Variants in BICC1 observed in about 807,000 individuals in gnomAD.
The protein encoded by BICC1 is BicC family RNA binding protein 1.
A neutral mutation model predicts 111.0 loss-of-function variants in BICC1; 43 were observed. The ratio of observed to expected loss-of-function variants is 0.39; its 90% CI spans 0.30 to 0.50. BICC1 has a LOEUF of 0.50. BICC1 is among the 20% of genes least tolerant of loss of function. The pLI, the probability that BICC1 is intolerant of heterozygous loss-of-function variation, is 0.88. For synonymous variants in BICC1, 467 were observed against 434.4 expected (o/e 1.07, Z -0.93); for missense variants, 1,091 against 1,203.2 (o/e 0.91, Z 1.38).
chr10:58,789,911 G>A lies in BICC1; in HGVS notation c.1025G>A (p.Cys342Tyr). The change falls in exon 8 of 21, where the codon TGT becomes TAT. Residue 342 changes from cysteine to tyrosine, a missense_variant. Transcript: ENST00000373886. Reference protein sequence around the residue: ...VYLQGTIESVCLARQYLMGCL... With the variant: ...VYLQGTIESVYLARQYLMGCL... The stretch of plus-strand genomic sequence containing the variant: ...CTCCAGGGCACCATTGAGTCTGTCT[G>A]TCTTGCAAGGCAATATCTCATGGTA... The A allele has an allele frequency of 1.2e-6, 2 of 1,614,120 alleles. No homozygotes were observed. Among genetic ancestry groups the A allele is most frequent in the Non-Finnish European group, 1.7e-6 (2 of 1,180,016 alleles).
intron 2 of BICC1, among the ~76,000 whole-genome samples, chr10:58,668,401 A>G (rs989345909): frequency 3.3e-5 from 5 of 152,014 alleles, no homozygotes; most frequent in African/African-American, 1.2e-4. Context: ...TTTTTTTTCC[A>G]GATGAATTCA....
At chr10:58,758,515 G>A (rs1240757252) in intron 3 of BICC1, among the ~76,000 whole-genome samples, 2 of 152,070 alleles carry the variant, frequency 1.3e-5, no homozygotes, top group Non-Finnish European at 2.9e-5. Flanking sequence ...TCCCTATAAG[G>A]TCTGTGACAA....
At chr10:58,633,452 T>G (rs1837858968) in intron 2 of BICC1, among the ~76,000 whole-genome samples, 2 of 152,224 alleles carry the variant, frequency 1.3e-5, no homozygotes, top group Non-Finnish European at 2.9e-5. Context: ...GGACAAATTA[T>G]TACTTTTTTC....
chr10:58,752,525 A>G (rs940127476), intron 3 of BICC1, among the ~76,000 whole-genome samples: 5 of 151,968 alleles, frequency 3.3e-5, no homozygotes, highest in African/African-American at 9.7e-5. Context: ...AGAAAGAACA[A>G]TTTTCTTTTA....
chr10:58,706,601 T>C (rs1426848913), intron 3 of BICC1, among the ~76,000 whole-genome samples: 1 of 152,196 alleles, frequency 6.6e-6, no homozygotes, highest in South Asian at 2.1e-4. Flanking sequence ...AGGAGAGATC[T>C]GGTGGGAGGT....
chr10:58,776,475 TG>T (rs1233777254), intron 3 of BICC1, among the ~76,000 whole-genome samples: 1 of 152,212 alleles, frequency 6.6e-6, no homozygotes, highest in East Asian at 1.9e-4. Flanking sequence ...TTGCATAACT[TG>T]CTGTTATCTC....
intron 3 of BICC1, among the ~76,000 whole-genome samples, chr10:58,714,523 G>C (rs2132496871): frequency 6.6e-6 from 1 of 152,222 alleles, no homozygotes; most frequent in Non-Finnish European, 1.5e-5. Flanking sequence ...TCAGTGCTGG[G>C]GGACAGACCT....
intron 2 of BICC1, among the ~76,000 whole-genome samples, chr10:58,700,957 A>G (rs955626447): frequency 1.3e-5 from 2 of 152,198 alleles, no homozygotes; most frequent in East Asian, 1.9e-4. Flanking sequence ...AATAGACAAA[A>G]TGCATCTGTG....
intron 10 of BICC1, among the ~76,000 whole-genome samples, chr10:58,797,888 T>C (rs72804426): frequency 0.013 from 2,006 of 152,276 alleles, 25 homozygotes; most frequent in African/African-American, 0.032. Context: ...AGGGAAGTCA[T>C]GTATATGTTT....
chr10:58,623,775 C>T (rs372091776), intron 2 of BICC1, among the ~76,000 whole-genome samples: 3 of 152,110 alleles, frequency 2.0e-5, no homozygotes, highest in East Asian at 3.9e-4. Context: ...AAGAGAGGCA[C>T]GCCATGGTTG....
chr10:58,684,401 G>A lies in BICC1; in HGVS notation c.238-17673G>A, dbSNP rs555438134. 8.5e-5 allele frequency among the ~76,000 whole-genome samples: 13 copies of A among 152,298 alleles called. No homozygotes were observed. In the East Asian group the frequency reaches 2.5e-3, roughly 29 times the overall value. Reference sequence around the variant, plus strand: ...GATGCTGGCCTCATAAAATGAGTTAGGGAGGATTCCCTCTTTTTCTTTTGA... The same window carrying A: ...GATGCTGGCCTCATAAAATGAGTTAAGGAGGATTCCCTCTTTTTCTTTTGA... On this transcript the variant is annotated intron_variant, in intron 2 of 20. Transcript: ENST00000373886.
At chr10:58,806,290 C>T (rs945458466) in intron 15 of BICC1, among the ~76,000 whole-genome samples, 5 of 151,984 alleles carry the variant, frequency 3.3e-5, no homozygotes, top group Non-Finnish European at 7.4e-5. Context: ...CTCTGGTGTG[C>T]TAGGTATTTA....
chr10:58,723,600 A>G (rs1388302961), intron 3 of BICC1, among the ~76,000 whole-genome samples: 1 of 152,122 alleles, frequency 6.6e-6, no homozygotes, highest in East Asian at 1.9e-4. Context: ...AAAAAGATGA[A>G]ATGTTCAGCT....
intron 3 of BICC1, among the ~76,000 whole-genome samples, chr10:58,733,247 C>A (rs1484805335): frequency 6.6e-6 from 1 of 152,150 alleles, no homozygotes; most frequent in African/African-American, 2.4e-5. Context: ...TGAGGCAATA[C>A]CTAGTGCATA....
At position 58,566,153 on chromosome 10, in the gene BICC1, T is replaced by C. The variant is rs552116714; in HGVS notation, c.190+52820T>C. Among the ~76,000 whole-genome samples the C allele has an allele frequency of 1.2e-3, 184 of 151,230 alleles. 2 individuals are homozygous for C. Among genetic ancestry groups the C allele is most frequent in the Non-Finnish European group, 2.1e-3 (143 of 67,762 alleles). ...GGCTGAATACTAATTCAATGATGTG[T>C]GTGTGTGTGTATATATACATATACA... On this transcript the variant is annotated intron_variant, in intron 1 of 20. Coordinates refer to ENST00000373886, the MANE Select transcript of BICC1 (RefSeq NM_001080512.3).
At position 58,714,271 on chromosome 10, in the gene BICC1, C is replaced by T. The variant is rs371419544; in HGVS notation, c.307+12128C>T. Among the ~76,000 whole-genome samples the T allele has an allele frequency of 5.4e-4, 82 of 152,258 alleles. 1 individual carries two copies. The highest frequency in any genetic ancestry group is 1.8e-3 in the African/African-American group (74 of 41,544). The stretch of plus-strand genomic sequence containing the variant: ...CTGGTGCTTCAATTACCTGGCTTCC[C>T]TTTTTGTAGCATTGGCATTAGAATA... On this transcript the variant is annotated intron_variant, in intron 3 of 20. Transcript: ENST00000373886.
chr10:58,682,527 C>T (rs1329779461), intron 2 of BICC1, among the ~76,000 whole-genome samples: 1 of 152,150 alleles, frequency 6.6e-6, no homozygotes, highest in African/African-American at 2.4e-5. Context: ...TCTCCAGCAC[C>T]TGTTGTTTCC....
intron 1 of BICC1, among the ~76,000 whole-genome samples, chr10:58,612,311 T>C (rs1845453130): frequency 1.3e-5 from 2 of 152,248 alleles, no homozygotes; most frequent in Non-Finnish European, 2.9e-5. Flanking sequence ...TGGGAATGTA[T>C]AGAAACTGCA....
intron 1 of BICC1, among the ~76,000 whole-genome samples, chr10:58,565,567 G>A (rs895076448): frequency 1.3e-5 from 2 of 152,146 alleles, no homozygotes; most frequent in African/African-American, 4.8e-5. Context: ...CCCGATGTAT[G>A]CCCTGGGCGG....
Sources: gnomAD v4.1 joint callset for allele counts (sites outside exome capture counted in the v4.1 genomes callset) on GRCh38, gnomAD v4.1.1 for gene constraint, MANE v1.5 for transcripts, NCBI Gene and HGNC (gene_info 2026-07-23, HGNC 2026-07-21) for gene names.